The following TEK variants were observed in gnomAD, a reference collection of about 807,000 sequenced individuals.
TEK encodes TEK receptor tyrosine kinase, also known as angiopoietin-1 receptor.
In TEK, 43 loss-of-function variants were observed where a neutral mutation model predicts 131.8. That is an observed-to-expected ratio of 0.33 (90% CI 0.26 to 0.42). The LOEUF is 0.42. Ranked by LOEUF, TEK falls within the 10% of genes least tolerant of loss-of-function variation. The pLI is 1.00. For synonymous variants in TEK, 580 were observed against 491.6 expected (o/e 1.18, Z -2.38); for missense variants, 1,162 against 1,384.4 (o/e 0.84, Z 2.55).
At chr9:27,157,415 A>G (rs534803240) in intron 1 of TEK, among the ~76,000 whole-genome samples, 3 of 152,342 alleles carry the variant, frequency 2.0e-5, no homozygotes, top group East Asian at 3.9e-4. Context: ...TGTAGTTGAT[A>G]TATTTCTTTA....
chr9:27,209,692 A>C (rs1429940479), intron 16 of TEK, among the ~76,000 whole-genome samples: 1 of 152,272 alleles, frequency 6.6e-6, no homozygotes, highest in Non-Finnish European at 1.5e-5. Context: ...TTTAAAAATA[A>C]TTATAAGAAG....
intron 1 of TEK, among the ~76,000 whole-genome samples, chr9:27,123,203 C>A: frequency 6.6e-6 from 1 of 151,284 alleles, no homozygotes; most frequent in East Asian, 1.9e-4. Context: ...GGAGATGGGG[C>A]GGGTAAGCAT....
chr9:27,217,584 C>T, intron 18 of TEK, 104 bp from the exon 19 acceptor site: 1 of 979,132 alleles, frequency 1.0e-6, no homozygotes, highest in Non-Finnish European at 1.6e-6. Flanking sequence ...GCAATGATTT[C>T]TGAGTCTACC....
intron 4 of TEK, 128 bp downstream of exon 4, chr9:27,169,757 A>T (rs1823879375): frequency 7.7e-7 from 1 of 1,297,856 alleles, no homozygotes; most frequent in African/African-American, 1.5e-5. Flanking sequence ...AGGTTGTATT[A>T]GTCTGTTCTT....
At chr9:27,223,853 A>G (rs1448478918) in intron 21 of TEK, among the ~76,000 whole-genome samples, 6 of 152,004 alleles carry the variant, frequency 3.9e-5, no homozygotes, top group Admixed American at 3.9e-4. Context: ...AAAAGATAAC[A>G]AAATAGACTG....
At chr9:27,187,763 A>G (rs1200335253) in intron 9 of TEK, among the ~76,000 whole-genome samples, 1 of 152,116 alleles carries the variant, frequency 6.6e-6, no homozygotes, top group Non-Finnish European at 1.5e-5. Flanking sequence ...GTAGATGGCC[A>G]CTGTCTCCCT....
intron 16 of TEK, among the ~76,000 whole-genome samples, chr9:27,211,738 G>A (rs772085454): frequency 4.6e-5 from 7 of 151,742 alleles, no homozygotes; most frequent in Non-Finnish European, 8.8e-5. Context: ...CCAGAGTGCC[G>A]GGATTACAAG....
Position 27,230,134 on chromosome 9 carries a change from T to C in TEK, c.*902T>C, listed in dbSNP as rs1826506165. ...ATACTGTAGGCACACTTTGCACTGA[T>C]ATATCATGAGTGAATAAATGTCTTG... On this transcript the variant is annotated 3_prime_UTR_variant, in exon 23 of 23. Transcript: ENST00000380036. The C allele has an allele frequency of 6.6e-6, 1 of 152,238 alleles. No individual in the cohort carries two copies. Among genetic ancestry groups the C allele is most frequent in the Admixed American group, 6.5e-5 (1 of 15,276 alleles). 9.4% of individuals were successfully genotyped at this position (152,238 alleles called of 1,614,324 possible).
intron 1 of TEK, among the ~76,000 whole-genome samples, chr9:27,130,626 CT>C (rs571794271): frequency 0.046 from 5,559 of 121,792 alleles, 248 homozygotes; most frequent in African/African-American, 0.15. Context: ...GATTAAAGTA[CT>C]TTTTTTTTTT....
chr9:27,220,285 C>A, intron 21 of TEK, 140 bp downstream of exon 21: 1 of 722,090 alleles, frequency 1.4e-6, no homozygotes. Context: ...GGAACCCCTC[C>A]CCTTTTATTC....
At chr9:27,167,105 T>C (rs1439910707) in intron 2 of TEK, among the ~76,000 whole-genome samples, 1 of 152,252 alleles carries the variant, frequency 6.6e-6, no homozygotes, top group Non-Finnish European at 1.5e-5. Context: ...TCAGAAACTC[T>C]TGTTGCTGGA....
intron 1 of TEK, among the ~76,000 whole-genome samples, chr9:27,148,662 A>G (rs1823021151): frequency 6.6e-6 from 1 of 152,238 alleles, no homozygotes; most frequent in Non-Finnish European, 1.5e-5. Flanking sequence ...GATTCAAGAG[A>G]TGGAGAAAGA....
chr9:27,199,715 CA>C (rs1323879228), intron 12 of TEK, among the ~76,000 whole-genome samples: 1 of 152,096 alleles, frequency 6.6e-6, no homozygotes, highest in Non-Finnish European at 1.5e-5. Flanking sequence ...ATCCTTTGCT[CA>C]TTTGGAATAG....
intron 13 of TEK, among the ~76,000 whole-genome samples, chr9:27,204,149 C>T (rs960427328): frequency 6.6e-6 from 1 of 152,152 alleles, no homozygotes; most frequent in East Asian, 1.9e-4. Context: ...CCAAAAGTTT[C>T]TCACCATTCT....
intron 1 of TEK, among the ~76,000 whole-genome samples, chr9:27,141,622 A>G (rs184322935): frequency 8.5e-5 from 13 of 152,328 alleles, no homozygotes; most frequent in Admixed American, 2.0e-4. Context: ...AGATGTGACA[A>G]TAAGTCTATT....
intron 6 of TEK, among the ~76,000 whole-genome samples, chr9:27,179,782 G>C (rs1284567628): frequency 6.6e-6 from 1 of 152,184 alleles, no homozygotes; most frequent in Non-Finnish European, 1.5e-5. Context: ...TCCAGTGGCT[G>C]TGGTTTTCCT....
At chr9:27,183,353 A>G (rs1824464614) in intron 7 of TEK, 106 bp from the exon 8 acceptor site, 3 of 1,275,626 alleles carry the variant, frequency 2.4e-6, no homozygotes, top group South Asian at 1.2e-5. Context: ...AATATTTGCA[A>G]AGTTCTTGCC....
intron 1 of TEK, among the ~76,000 whole-genome samples, chr9:27,151,044 T>C (rs1223807563): frequency 1.3e-5 from 2 of 152,162 alleles, no homozygotes; most frequent in Admixed American, 1.3e-4. Context: ...ACATCCAGGA[T>C]GCCCCTGGAT....
At chr9:27,160,016 T>G (rs942978437) in intron 2 of TEK, among the ~76,000 whole-genome samples, 7 of 96,188 alleles carry the variant, frequency 7.3e-5, no homozygotes, top group Non-Finnish European at 1.0e-4. Context: ...TAGGGTTTTT[T>G]TTTTTTTTTT....
Sources: gnomAD v4.1 joint callset for allele counts (sites outside exome capture counted in the v4.1 genomes callset) on GRCh38, gnomAD v4.1.1 for gene constraint, MANE v1.5 for transcripts, NCBI Gene and HGNC (gene_info 2026-07-23, HGNC 2026-07-21) for gene names.